Variants in CWF19L1 observed in about 807,000 individuals in gnomAD.
The protein encoded by CWF19L1 is CWF19 like cell cycle control factor 1.
Under a neutral mutation model 69.7 loss-of-function variants are expected in CWF19L1, and 60 were observed. That is an observed-to-expected ratio of 0.86 (90% confidence interval 0.70 to 1.07). CWF19L1 has a LOEUF of 1.07. Among genes scored for constraint, CWF19L1 ranks in the 50% least tolerant of loss-of-function variants. CWF19L1 has a pLI of 0.00. For missense variants in CWF19L1, 591 were observed against 638.9 expected, an observed-to-expected ratio of 0.92 and a Z score of 0.81; for synonymous variants, 209 against 222.2, an observed-to-expected ratio of 0.94 and a Z score of 0.53.
chr10:100,245,486 TAG>T (rs1188835442), intron 9 of CWF19L1, among the ~76,000 whole-genome samples: 1 of 152,182 alleles, frequency 6.6e-6, no homozygotes. Flanking sequence ...GCATCACCCC[TAG>T]AGAACCATAC....
chr10:100,237,618 T>G (rs1230149113), intron 11 of CWF19L1, among the ~76,000 whole-genome samples: 1 of 152,028 alleles, frequency 6.6e-6, no homozygotes, highest in East Asian at 1.9e-4. Flanking sequence ...ATAAAAATAT[T>G]AAATATTTTA....
Position 100,233,170 on chromosome 10 carries a change from A to C in CWF19L1, c.*57T>G, listed in dbSNP as rs1846330106. 2.0e-6 allele frequency: 3 copies of C among 1,493,052 alleles called. No homozygotes were observed. Among genetic ancestry groups the C allele is most frequent in the Non-Finnish European group, 2.7e-6 (3 of 1,115,178 alleles). The allele number at this position is 1,493,052 out of a possible 1,614,324, so 92.5% of individuals were successfully genotyped here. On this transcript the variant is annotated 3_prime_UTR_variant, in exon 14 of 14. Coordinates refer to ENST00000354105, the MANE Select transcript of CWF19L1 (RefSeq NM_018294.6). ...CTCAAAAAAAATTCTTTTAATTAAA[A>C]AAAAAAAAAAGCTTTACTACTTCCT...
chr10:100,262,116 C>CG, intron 1 of CWF19L1, 53 bp from the exon 2 acceptor site: 1 of 1,584,122 alleles, frequency 6.3e-7, no homozygotes, highest in Non-Finnish European at 8.6e-7. Context: ...ATGGGCCTGC[C>CG]GGGTTTGGTA....
At position 100,243,706 on chromosome 10, in the gene CWF19L1, C is replaced by T. The variant is rs748874112; in HGVS notation, c.1036G>A (p.Gly346Ser). 2.2e-5 allele frequency: 35 copies of T among 1,613,838 alleles called. No homozygotes were observed. The South Asian group carries it at 3.0e-4, about 14-fold the overall frequency. ...EVEKHLVVNI[G>S]THCYLALAKG... ...CCAAGGAAGTAACTCACATGTGTGC[C>T]GATGTTGACCACCAAATGTTTTTCC... is the stretch of plus-strand genomic sequence containing the variant. Residue 346 changes from glycine to serine, a missense_variant, in exon 10 of 14, where the codon GGC becomes AGC. Physicochemically the swap from Gly to Ser is moderately conservative, Grantham distance 56. This residue lies in a region of CWF19L1 where 458 missense variants were observed against 489.3 expected (regional missense o/e 0.94). Transcript: ENST00000354105.
At position 100,238,825 on chromosome 10, in the gene CWF19L1, G is replaced by A. The variant is rs992179378; in HGVS notation, c.1045-594C>T. Among the ~76,000 whole-genome samples the A allele has an allele frequency of 5.3e-5, 8 of 151,654 alleles. No individual in the cohort carries two copies. The East Asian group carries it at 7.8e-4, about 15-fold the overall frequency. On this transcript the variant is annotated intron_variant, in intron 10 of 13. Coordinates refer to ENST00000354105, the MANE Select transcript of CWF19L1 (RefSeq NM_018294.6). ...CATGTGCCTGTAGTCCCAGCTACTC[G>A]GGAGGCTGAGACAGGAGAATTGCTT...
intron 5 of CWF19L1, chr10:100,254,689 T>C (rs573874973): frequency 1.3e-5 from 2 of 152,288 alleles, no homozygotes; most frequent in South Asian, 4.1e-4. Context: ...TGTATGGTTA[T>C]TTATAAGCCT....
intron 5 of CWF19L1, 29 bp downstream of exon 5, chr10:100,256,233 G>C: frequency 6.3e-7 from 1 of 1,579,144 alleles, no homozygotes; most frequent in Non-Finnish European, 8.7e-7. Flanking sequence ...TTTGCTTTTA[G>C]AAATTCCAAC....
chr10:100,256,725 C>T (rs1043318651), intron 4 of CWF19L1, among the ~76,000 whole-genome samples: 8 of 152,142 alleles, frequency 5.3e-5, no homozygotes, highest in Non-Finnish European at 1.5e-5. Flanking sequence ...ATGTTTATGC[C>T]AGGTGCCTTA....
At chr10:100,241,000 C>CTTTTTTTTTTTTTTTTTTTTTTTT (rs56262807) in intron 10 of CWF19L1, among the ~76,000 whole-genome samples, 2 of 70,608 alleles carry the variant, frequency 2.8e-5, no homozygotes, top group African/African-American at 1.3e-4. Flanking sequence ...CTAATTAAGC[C>CTTTTTTTTTTTTTTTTTTTTTTTT]TTTTTTTTTT....
chr10:100,235,702 G>A lies in CWF19L1; in HGVS notation c.1437C>T (p.His479=). The change falls in exon 13 of 14, where the codon CAC becomes CAT. Residue 479 remains histidine (H), a synonymous_variant. Coordinates refer to ENST00000354105, the MANE Select transcript of CWF19L1 (RefSeq NM_018294.6). ...VELDTGEKLF[H]RIKKNFPLQF... The stretch of plus-strand genomic sequence containing the variant: ...GCAAAGGAAAATTCTTTTTAATTCT[G>A]TGGAAAAGCTTTTCTCCTGTGTCAA... 6.2e-7 allele frequency: 1 copy of A among 1,612,350 alleles called. No homozygotes were observed.
At chr10:100,233,692 CT>C (rs974695514) in intron 13 of CWF19L1, among the ~76,000 whole-genome samples, 4 of 152,200 alleles carry the variant, frequency 2.6e-5, no homozygotes, top group African/African-American at 9.7e-5. Flanking sequence ...CCATTTCCAG[CT>C]TTGCCACTTG....
At chr10:100,237,707 C>T (rs780863713) in intron 11 of CWF19L1, among the ~76,000 whole-genome samples, 12 of 151,916 alleles carry the variant, frequency 7.9e-5, no homozygotes, top group Non-Finnish European at 1.3e-4. Flanking sequence ...AGTGCAGTGG[C>T]ACAATCTCGG....
chr10:100,235,357 C>T (rs894367717), intron 13 of CWF19L1, among the ~76,000 whole-genome samples: 1 of 152,204 alleles, frequency 6.6e-6, no homozygotes, highest in Non-Finnish European at 1.5e-5. Flanking sequence ...AATGCCCTCA[C>T]CTCAATCTTT....
chr10:100,240,312 G>A (rs1039776806), intron 10 of CWF19L1, among the ~76,000 whole-genome samples: 1 of 152,014 alleles, frequency 6.6e-6, no homozygotes, highest in Admixed American at 6.6e-5. Context: ...TACTACCTTT[G>A]AGGAAGGCAC....
chr10:100,245,963 A>C, intron 8 of CWF19L1, 50 bp from the exon 9 acceptor site: 1 of 1,343,578 alleles, frequency 7.4e-7, no homozygotes, highest in Non-Finnish European at 1.1e-6. Flanking sequence ...TAACCTTTAG[A>C]TAAGTAGCCG....
At chr10:100,248,657 T>C in intron 7 of CWF19L1, 1 of 855,480 alleles carries the variant, frequency 1.2e-6, no homozygotes, top group Admixed American at 1.8e-5. Flanking sequence ...GTGGCTCACT[T>C]TGATGCTGGA....
rs1589629108 is a variant in CWF19L1 at position 100,256,464 on chromosome 10, A to G, written c.302T>C (p.Ile101Thr). ...CTGCAGCCCCGAGCTTCCAGTGAAG[A>G]TACCTTTACGACCTGGGTTCAAAGA... The part of the protein sequence containing the change: ...ENITYLGRKG[I>T]FTGSSGLQIV... The change falls in exon 5 of 14, where the codon ATC becomes ACC. Residue 101 changes from isoleucine to threonine, a missense_variant. By Grantham distance (89) the Ile-to-Thr change is moderately conservative. Coordinates refer to ENST00000354105, the MANE Select transcript of CWF19L1 (RefSeq NM_018294.6). 6.2e-7 allele frequency: 1 copy of G among 1,614,184 alleles called. No individual in the cohort carries two copies. Among genetic ancestry groups the G allele is most frequent in the Non-Finnish European group, 8.5e-7 (1 of 1,180,002 alleles).
At chr10:100,237,915 C>T in intron 11 of CWF19L1, 107 bp downstream of exon 11, 1 of 1,071,668 alleles carries the variant, frequency 9.3e-7, no homozygotes, top group South Asian at 1.4e-5. Flanking sequence ...TCCCAAAGTG[C>T]TAGGATTACA....
chr10:100,255,686 C>A (rs1308293201), intron 5 of CWF19L1, among the ~76,000 whole-genome samples: 2 of 151,324 alleles, frequency 1.3e-5, no homozygotes, highest in African/African-American at 4.9e-5. Context: ...TTGCTTGAAC[C>A]CAGGAGGCAG....
Sources: gnomAD v4.1 joint callset for allele counts (sites outside exome capture counted in the v4.1 genomes callset) on GRCh38, gnomAD v4.1.1 for gene constraint, gnomAD v4.1.1 regional missense constraint, MANE v1.5 for transcripts, NCBI Gene and HGNC (gene_info 2026-07-23, HGNC 2026-07-21) for gene names.